The following XKR9 variants were observed in gnomAD, a reference collection of about 807,000 sequenced individuals.
XKR9 encodes the protein XK related 9.
XKR9 carries 32 observed loss-of-function variants against 32.0 expected under a neutral mutation model. The ratio of observed to expected loss-of-function variants is 1.00; its 90% CI spans 0.76 to 1.34. The LOEUF is 1.34. Among genes scored for constraint, XKR9 ranks in the 40% most tolerant of loss-of-function variants. The probability of loss-of-function intolerance (pLI) is 0.00; values close to 1 mark genes in which losing one functional copy is unlikely to be tolerated. For missense variants in XKR9, 546 were observed against 429.7 expected (o/e 1.27, Z -2.39); for synonymous variants, 168 against 143.4 (o/e 1.17, Z -1.22).
the XKR9 span, among the ~76,000 whole-genome samples, chr8:71,052,002 A>G: frequency 6.6e-6 from 1 of 152,236 alleles, no homozygotes; most frequent in African/African-American, 2.4e-5. Flanking sequence ...AAAGCAAAAT[A>G]TAATAAATTC....
chr8:70,965,940 T>C, the XKR9 span, among the ~76,000 whole-genome samples: 1 of 152,118 alleles, frequency 6.6e-6, no homozygotes, highest in East Asian at 1.9e-4. Flanking sequence ...ATCTTGGTCA[T>C]TTCTTGTTTT....
At chr8:70,704,630 A>G (rs1419375246) in intron 3 of XKR9, among the ~76,000 whole-genome samples, 46 of 152,116 alleles carry the variant, frequency 3.0e-4, no homozygotes, top group Non-Finnish European at 2.9e-5. Context: ...ATTCTTAACT[A>G]CTTTGCTCTG....
chr8:70,704,501 G>C (rs1474493972), intron 3 of XKR9, among the ~76,000 whole-genome samples: 1 of 152,112 alleles, frequency 6.6e-6, no homozygotes, highest in Non-Finnish European at 1.5e-5. Context: ...ACCCAATGAG[G>C]GAGGTATGAT....
chr8:71,013,956 A>C, the XKR9 span, among the ~76,000 whole-genome samples: 76 of 152,032 alleles, frequency 5.0e-4, no homozygotes, highest in African/African-American at 1.8e-3. Flanking sequence ...CCAATGGTAC[A>C]TTGTTCTCCA....
the XKR9 span, among the ~76,000 whole-genome samples, chr8:70,847,901 A>G: frequency 6.6e-6 from 1 of 152,010 alleles, no homozygotes; most frequent in Non-Finnish European, 1.5e-5. Flanking sequence ...TATAAAAACT[A>G]CTATCAATTA....
At chr8:70,810,053 A>G in the XKR9 span, among the ~76,000 whole-genome samples, 3 of 152,326 alleles carry the variant, frequency 2.0e-5, no homozygotes, top group South Asian at 2.1e-4. Context: ...AGGTGGGGTT[A>G]CCCACAAAGG....
At chr8:70,831,136 C>T in the XKR9 span, among the ~76,000 whole-genome samples, 9 of 151,998 alleles carry the variant, frequency 5.9e-5, no homozygotes, top group South Asian at 6.2e-4. Flanking sequence ...ACTAAAAATA[C>T]GAAAATTAGC....
the XKR9 span, among the ~76,000 whole-genome samples, chr8:71,038,767 A>G: frequency 4.6e-5 from 7 of 151,178 alleles, no homozygotes; most frequent in Admixed American, 2.0e-4. Flanking sequence ...AAAAAAAAAA[A>G]AAGTGAATGA....
chr8:70,743,588 CTTTA>C lies in XKR9; in HGVS notation n.352+36440_352+36443del, dbSNP rs769060931. On this transcript the variant is annotated intron_variant and non_coding_transcript_variant, in intron 2 of 3. Coordinates refer to the XKR9 transcript ENST00000520273. ...CTTTAAACTCTGAACTCTAAACAAT[CTTTA>C]TTTAACCTTCAGTGAGCTGCATCGA... Among the ~76,000 whole-genome samples, 325 of 152,212 alleles carry C rather than the reference CTTTA, an allele frequency of 2.1e-3. 3 individuals carry two copies. Among genetic ancestry groups the C allele is most frequent in the Non-Finnish European group, 3.7e-3 (254 of 68,018 alleles).
At chr8:70,672,817 A>G (rs975797111) in intron 1 of XKR9, among the ~76,000 whole-genome samples, 1 of 152,126 alleles carries the variant, frequency 6.6e-6, no homozygotes, top group Non-Finnish European at 1.5e-5. Flanking sequence ...ATGATTAGTG[A>G]TGTTGAGCAT....
the XKR9 span, among the ~76,000 whole-genome samples, chr8:70,831,568 G>C: frequency 1.7e-4 from 26 of 151,860 alleles, no homozygotes. Context: ...ATCATCTTTT[G>C]GTGGGGCTTT....
chr8:70,976,242 G>A, the XKR9 span, among the ~76,000 whole-genome samples: 2 of 118,046 alleles, frequency 1.7e-5, no homozygotes, highest in African/African-American at 6.7e-5. Flanking sequence ...GATTGCCCTG[G>A]CCAGAACTTT....
intron 2 of XKR9, among the ~76,000 whole-genome samples, chr8:70,749,250 C>G (rs571391304): frequency 7.2e-5 from 11 of 151,982 alleles, no homozygotes; most frequent in Non-Finnish European, 1.3e-4. Context: ...AATGGTGGGA[C>G]TGAAAGAGCT....
chr8:70,978,735 G>A, the XKR9 span, among the ~76,000 whole-genome samples: 1 of 152,126 alleles, frequency 6.6e-6, no homozygotes, highest in Non-Finnish European at 1.5e-5. Context: ...TTCTGGAGGA[G>A]TATCTGTGTG....
the XKR9 span, among the ~76,000 whole-genome samples, chr8:70,986,374 T>C: frequency 1.4e-4 from 21 of 152,198 alleles, no homozygotes; most frequent in Non-Finnish European, 4.4e-5. Context: ...CACTCTATAA[T>C]AAAACATTGA....
At chr8:70,814,528 A>G in the XKR9 span, among the ~76,000 whole-genome samples, 2 of 151,992 alleles carry the variant, frequency 1.3e-5, no homozygotes, top group Admixed American at 6.5e-5. Flanking sequence ...TAGACGTCGA[A>G]GAAACATTTG....
intron 3 of XKR9, among the ~76,000 whole-genome samples, chr8:70,701,150 A>G (rs971507217): frequency 4.6e-5 from 7 of 152,162 alleles, no homozygotes; most frequent in Non-Finnish European, 4.4e-5. Context: ...GAGTGAGGCA[A>G]TGCCTCGCCC....
chr8:70,921,496 A>AT, the XKR9 span, among the ~76,000 whole-genome samples: 2 of 152,044 alleles, frequency 1.3e-5, no homozygotes, highest in African/African-American at 4.8e-5. Flanking sequence ...ATCAAGTGTC[A>AT]TTTTTTTCAA....
In XKR9 at chr8:70,686,412, A is replaced by AAT. The variant is rs71264517; in HGVS notation, c.272+5101_272+5102dup. On this transcript the variant is annotated intron_variant, in intron 3 of 4. Coordinates refer to ENST00000408926, the MANE Select transcript of XKR9 (RefSeq NM_001011720.2). ...TGTGTGCCACCACACCGAGATAGCT[A>AAT]ATATATATATATATATATATTTGGT... 2.4e-3 allele frequency among the ~76,000 whole-genome samples: 353 copies of AAT among 147,248 alleles called. 6 individuals are homozygous for AAT. In the South Asian group the frequency reaches 0.051, roughly 21 times the overall value.
Sources: gnomAD v4.1 joint callset for allele counts (sites outside exome capture counted in the v4.1 genomes callset) on GRCh38, gnomAD v4.1.1 for gene constraint, MANE v1.5 for transcripts, NCBI Gene and HGNC (gene_info 2026-07-23, HGNC 2026-07-21) for gene names.